Variants in HACE1 observed in about 807,000 individuals in gnomAD.
The protein encoded by HACE1 is HECT domain and ankyrin repeat containing E3 ubiquitin protein ligase 1.
Under a neutral mutation model 118.4 loss-of-function variants are expected in HACE1, and 73 were observed. The ratio of observed to expected loss-of-function variants is 0.62; its 90% CI spans 0.51 to 0.75. HACE1 has a LOEUF of 0.75. Ranked by LOEUF, HACE1 falls within the 30% of genes least tolerant of loss-of-function variation. HACE1 has a pLI of 0.00. For missense variants in HACE1, 749 were observed against 1,102.2 expected, an observed-to-expected ratio of 0.68 and a Z score of 4.54; for synonymous variants, 368 against 374.8, an observed-to-expected ratio of 0.98 and a Z score of 0.21.
At chr6:104,736,205 A>G (rs1775808800) in intron 22 of HACE1, among the ~76,000 whole-genome samples, 2 of 151,726 alleles carry the variant, frequency 1.3e-5, no homozygotes, top group Admixed American at 1.3e-4. Flanking sequence ...GCAAAAAACA[A>G]AAACAAAAAA....
At chr6:104,812,813 A>G (rs1043592716) in intron 6 of HACE1, among the ~76,000 whole-genome samples, 29 of 152,242 alleles carry the variant, frequency 1.9e-4, no homozygotes, top group Admixed American at 4.6e-4. Context: ...AGGAATGGTT[A>G]TGTAGAGCTA....
chr6:104,799,484 A>G (rs34000849), intron 7 of HACE1, among the ~76,000 whole-genome samples: 26,798 of 152,136 alleles, frequency 0.18, 2,560 homozygotes, highest in African/African-American at 0.25. Flanking sequence ...TGCCTGATTC[A>G]TGAATTGTTT....
rs1774913348 is a variant in HACE1, at chr6:104,728,870, T to C, written c.*792A>G. On this transcript the variant is annotated 3_prime_UTR_variant, in exon 24 of 24. Transcript: ENST00000262903. ...TTAAATTATAATTTGCACATCAGAT[T>C]ACTTTTTCAGATGTGTCAGAGCTCA... The C allele has an allele frequency of 6.6e-6, 1 of 152,592 alleles. No individual in the cohort carries two copies. Among genetic ancestry groups the C allele is most frequent in the African/African-American group, 2.4e-5 (1 of 41,472 alleles). The allele number at this position is 152,592 out of a possible 1,614,324, so 9.5% of individuals were successfully genotyped here.
chr6:104,845,921 T>C (rs537663306), intron 4 of HACE1: 73 of 152,350 alleles, frequency 4.8e-4, no homozygotes, highest in African/African-American at 1.5e-3. Flanking sequence ...TGTTTAAATG[T>C]GTGATCGTGT....
chr6:104,750,295 T>C (rs1187932351), intron 20 of HACE1, 46 bp downstream of exon 20: 2 of 1,526,740 alleles, frequency 1.3e-6, no homozygotes, highest in Non-Finnish European at 1.8e-6. Context: ...TCAACTAGAG[T>C]TTTTTGTTGT....
intron 19 of HACE1, among the ~76,000 whole-genome samples, chr6:104,767,653 A>C (rs187048059): frequency 5.6e-4 from 86 of 152,270 alleles, no homozygotes; most frequent in Admixed American, 1.5e-3. Context: ...GAATTTGGCC[A>C]CTTTCTCCCT....
chr6:104,737,562 G>A (rs944932103), intron 22 of HACE1, among the ~76,000 whole-genome samples: 1 of 152,172 alleles, frequency 6.6e-6, no homozygotes, highest in South Asian at 2.1e-4. Context: ...AAAGAAAGGG[G>A]TGACAGACGG....
At chr6:104,778,805 T>C (rs1781464264) in intron 14 of HACE1, among the ~76,000 whole-genome samples, 1 of 151,324 alleles carries the variant, frequency 6.6e-6, no homozygotes, top group South Asian at 2.1e-4. Context: ...TGAGACCTTA[T>C]CTCTACAAAA....
At chr6:104,758,351 T>C (rs921790081) in intron 19 of HACE1, among the ~76,000 whole-genome samples, 3 of 152,218 alleles carry the variant, frequency 2.0e-5, no homozygotes, top group African/African-American at 7.2e-5. Context: ...AGCAGATCTC[T>C]CTGCAGAAAC....
chr6:104,773,128 T>C (rs1185131255), intron 17 of HACE1, among the ~76,000 whole-genome samples: 1 of 152,216 alleles, frequency 6.6e-6, no homozygotes, highest in Non-Finnish European at 1.5e-5. Flanking sequence ...ATTTTTCCTA[T>C]TTTTCTGTGA....
intron 22 of HACE1, among the ~76,000 whole-genome samples, chr6:104,734,188 G>A (rs1436968355): frequency 6.7e-6 from 1 of 150,340 alleles, no homozygotes; most frequent in Non-Finnish European, 1.5e-5. Context: ...GATTCTTAAG[G>A]GATAATGAAA....
intron 22 of HACE1, among the ~76,000 whole-genome samples, chr6:104,734,528 T>C (rs1369585012): frequency 1.3e-5 from 2 of 152,196 alleles, no homozygotes; most frequent in Admixed American, 1.3e-4. Flanking sequence ...CTTAAAACTT[T>C]CTCAGTTTGA....
At chr6:104,764,671 C>T (rs1779777804) in intron 19 of HACE1, among the ~76,000 whole-genome samples, 1 of 152,192 alleles carries the variant, frequency 6.6e-6, no homozygotes, top group African/African-American at 2.4e-5. Context: ...ACACTCAGAA[C>T]CATTTTGGCT....
Position 104,784,436 on chromosome 6 carries a change from A to C in HACE1, c.1459T>G (p.Leu487Val). The change falls in exon 13 of 24, where the codon TTA becomes GTA. Residue 487 changes from leucine to valine, a missense_variant. By Grantham distance (32) the Leu-to-Val change is conservative. This residue lies in a region of HACE1 where 195 missense variants were observed against 322.1 expected (regional missense o/e 0.61). Coordinates refer to ENST00000262903, the MANE Select transcript of HACE1 (RefSeq NM_020771.4). ...GCTTACCTATTAACAAAGCATTTTA[A>C]AACTTCATCATGTTTGCAGACAAAT... ...IEFVCKHDEV[L>V]KCFVNRNPKI... The C allele has an allele frequency of 6.2e-7, 1 of 1,612,008 alleles. No homozygotes were observed. The highest frequency in any genetic ancestry group is 8.5e-7 in the Non-Finnish European group (1 of 1,178,242).
chr6:104,850,771 C>T (rs1338049937), intron 3 of HACE1, 136 bp downstream of exon 3: 15 of 758,890 alleles, frequency 2.0e-5, no homozygotes, highest in East Asian at 5.0e-5. Context: ...TAGCACACCA[C>T]GCGCTCAAAC....
At chr6:104,859,487 C>T in intron 1 of HACE1, 80 bp downstream of exon 1, 2 of 1,071,590 alleles carry the variant, frequency 1.9e-6, no homozygotes, top group Non-Finnish European at 2.6e-6. Flanking sequence ...TTTTTCCACC[C>T]GACCTTGACG....
chr6:104,818,211 T>C lies in HACE1; in HGVS notation c.535-6818A>G, dbSNP rs1199790424. ...TAAACTGAAAACAAGTAGTCAACTA[T>C]AGCTTTCAAATATAAGAAAAACAAG... On this transcript the variant is annotated intron_variant, in intron 6 of 23. Coordinates refer to ENST00000262903, the MANE Select transcript of HACE1 (RefSeq NM_020771.4). Among the ~76,000 whole-genome samples the C allele has an allele frequency of 2.6e-5, 4 of 152,156 alleles. No individual in the cohort carries two copies. The East Asian group carries it at 5.8e-4, about 22-fold the overall frequency.
At chr6:104,794,354 G>C (rs1404488693) in intron 10 of HACE1, among the ~76,000 whole-genome samples, 1 of 152,080 alleles carries the variant, frequency 6.6e-6, no homozygotes, top group Non-Finnish European at 1.5e-5. Flanking sequence ...TCTAATGTAG[G>C]AAAACAGGTT....
intron 7 of HACE1, among the ~76,000 whole-genome samples, chr6:104,805,545 T>C (rs539985481): frequency 6.6e-6 from 1 of 152,270 alleles, no homozygotes; most frequent in East Asian, 1.9e-4. Flanking sequence ...GGAGTTCATG[T>C]CCTTTGCAGG....
Sources: gnomAD v4.1 joint callset for allele counts (sites outside exome capture counted in the v4.1 genomes callset) on GRCh38, gnomAD v4.1.1 for gene constraint, gnomAD v4.1.1 regional missense constraint, MANE v1.5 for transcripts, NCBI Gene and HGNC (gene_info 2026-07-23, HGNC 2026-07-21) for gene names.